Variants in CLEC2L observed in about 807,000 individuals in gnomAD.
The protein encoded by CLEC2L is C-type lectin domain family 2 member L.
In CLEC2L, 14 loss-of-function variants were observed where a neutral mutation model predicts 23.6. That is an observed-to-expected ratio of 0.59 (90% CI 0.39 to 0.93). The LOEUF is 0.93. CLEC2L is among the 40% of genes least tolerant of loss of function. The pLI, the probability that CLEC2L is intolerant of heterozygous loss-of-function variation, is 0.00. For synonymous variants in CLEC2L, 114 were observed against 121.3 expected, an observed-to-expected ratio of 0.94 and a Z score of 0.40; for missense variants, 264 against 282.4, an observed-to-expected ratio of 0.93 and a Z score of 0.47.
At chr7:139,527,293 G>A (rs1369642539) in intron 1 of CLEC2L, among the ~76,000 whole-genome samples, 3 of 152,156 alleles carry the variant, frequency 2.0e-5, no homozygotes, top group African/African-American at 2.4e-5. Flanking sequence ...GGCCAAGGAC[G>A]TCAGCCTTGG....
At chr7:139,536,140 AAAC>A (rs907935062) in intron 1 of CLEC2L, 131 bp from the exon 2 acceptor site, 226 of 682,048 alleles carry the variant, frequency 3.3e-4, no homozygotes, top group Admixed American at 4.4e-4. Context: ...CCCCATCTCA[AAAC>A]AACAACAACA....
Position 139,540,067 on chromosome 7 carries a change from A to C in CLEC2L, c.266-254A>C, listed in dbSNP as rs568977031. ...GTTCCATGCCTCTGGGAGTTTGGAGACAGAGGAGATCCTAACCCAGGGGCT... is the reference window on the plus strand; with the variant it reads ...GTTCCATGCCTCTGGGAGTTTGGAGCCAGAGGAGATCCTAACCCAGGGGCT... On this transcript the variant is annotated intron_variant, in intron 2 of 4. Coordinates refer to ENST00000422142, the MANE Select transcript of CLEC2L (RefSeq NM_001080511.4). This position sits in a 1 kb window ranked among gnomAD's most constrained non-coding sequence, Gnocchi z 5.8. The C allele has an allele frequency of 4.2e-6, 2 of 472,928 alleles. No individual in the cohort carries two copies. Among genetic ancestry groups the C allele is most frequent in the South Asian group, 2.5e-5 (1 of 39,804 alleles). 29.3% of individuals were successfully genotyped at this position (472,928 alleles called of 1,614,324 possible). A position where few individuals can be genotyped will look rare whatever the true frequency, so the allele number is the denominator to read the frequency against.
At chr7:139,534,151 GCAA>G in intron 1 of CLEC2L, 1 of 663,806 alleles carries the variant, frequency 1.5e-6, no homozygotes, top group Non-Finnish European at 2.7e-6. Context: ...GTAAAATTAT[GCAA>G]CCAATGATGG....
At chr7:139,524,156 C>A (rs1465750891) in intron 1 of CLEC2L, 39 bp downstream of exon 1, 43 of 1,195,466 alleles carry the variant, frequency 3.6e-5, no homozygotes, top group Non-Finnish European at 3.9e-5. Context: ...GCCCAGGGAC[C>A]CCTGCCCAGG....
At chr7:139,534,516 C>A in intron 1 of CLEC2L, 1 of 772,766 alleles carries the variant, frequency 1.3e-6, no homozygotes. Flanking sequence ...AGAAGATCTA[C>A]ATGCTTCTTC....
At chr7:139,536,692 C>A (rs28479209) in intron 2 of CLEC2L, among the ~76,000 whole-genome samples, 2 of 151,842 alleles carry the variant, frequency 1.3e-5, no homozygotes, top group Non-Finnish European at 2.9e-5. Flanking sequence ...GGATCATATT[C>A]GGCCGGGCGC....
In CLEC2L at chr7:139,539,446, G is replaced by A. The variant is rs1469987046; in HGVS notation, c.266-875G>A. 6.6e-6 allele frequency: 1 copy of A among 152,066 alleles called. No individual in the cohort carries two copies. The highest frequency in any genetic ancestry group is 1.5e-5 in the Non-Finnish European group (1 of 68,010). The allele number at this position is 152,066 out of a possible 1,614,324, so 9.4% of individuals were successfully genotyped here. On this transcript the variant is annotated intron_variant, in intron 2 of 4. Coordinates refer to ENST00000422142, the MANE Select transcript of CLEC2L (RefSeq NM_001080511.4). The surrounding 1 kb of genome is among the most constrained non-coding windows in gnomAD (Gnocchi z 4.1). ...GCAAGGAGGCCCTTTGAGAAGCTCCGGGCTTCCTTCCCAGAAAAGTCCATG... is the reference window on the plus strand; with the variant it reads ...GCAAGGAGGCCCTTTGAGAAGCTCCAGGCTTCCTTCCCAGAAAAGTCCATG...
intron 2 of CLEC2L, 87 bp downstream of exon 2, chr7:139,536,435 A>G: frequency 8.6e-7 from 1 of 1,165,098 alleles, no homozygotes; most frequent in Non-Finnish European, 1.2e-6. Flanking sequence ...AAGATTCTAG[A>G]CATTCCAAGA....
At chr7:139,537,437 T>TACC (rs1797675324) in intron 2 of CLEC2L, among the ~76,000 whole-genome samples, 1 of 152,238 alleles carries the variant, frequency 6.6e-6, no homozygotes, top group Non-Finnish European at 1.5e-5. Context: ...GGTTTGGGTT[T>TACC]CAAGGGCTGG....
intron 1 of CLEC2L, among the ~76,000 whole-genome samples, chr7:139,527,755 G>A (rs35411476): frequency 0.054 from 8,196 of 152,222 alleles, 300 homozygotes; most frequent in Non-Finnish European, 0.084. Flanking sequence ...AGTGCTCACC[G>A]ATTCTGAATT....
intron 1 of CLEC2L, among the ~76,000 whole-genome samples, chr7:139,525,063 T>G (rs1053927816): frequency 2.0e-5 from 3 of 152,160 alleles, no homozygotes; most frequent in African/African-American, 7.2e-5. Flanking sequence ...ACGTGGGAAC[T>G]GAGCCCTGGA....
At chr7:139,542,180 C>T (rs1797745690) in intron 4 of CLEC2L, 59 bp downstream of exon 4, 5 of 1,143,380 alleles carry the variant, frequency 4.4e-6, no homozygotes, top group Admixed American at 2.3e-5. Flanking sequence ...CCTGACTCAC[C>T]CCCTGGACAC....
rs1430587159 is a variant in CLEC2L, at chr7:139,538,770, AC to A, written c.266-1550del. On this transcript the variant is annotated intron_variant, in intron 2 of 4. Coordinates refer to ENST00000422142, the MANE Select transcript of CLEC2L (RefSeq NM_001080511.4). ...TCTCAAAAAAACAAAACAAAACAAA[AC>A]AAACAAACAAACAAACAAAAAAGGC... Among the ~76,000 whole-genome samples, 62 of 8,762 alleles carry A rather than the reference AC, an allele frequency of 7.1e-3. 1 individual carries two copies. The East Asian group carries it at 0.51, about 72-fold the overall frequency. 5.7% of individuals were successfully genotyped at this position (8,762 alleles called of 152,430 possible). A position where few individuals can be genotyped will look rare whatever the true frequency, so the allele number is the denominator to read the frequency against.
chr7:139,523,768 C>A lies in CLEC2L; in HGVS notation c.-160C>A. 1 of 320,692 alleles carries A rather than the reference C, an allele frequency of 3.1e-6. No homozygotes were observed. The highest frequency in any genetic ancestry group is 4.5e-6 in the Non-Finnish European group (1 of 223,704). 19.9% of individuals were successfully genotyped at this position (320,692 alleles called of 1,614,324 possible). A position where few individuals can be genotyped will look rare whatever the true frequency, so the allele number is the denominator to read the frequency against. The stretch of plus-strand genomic sequence containing the variant: ...GGCACCCGGCGCAGAGGCTCCAGCG[C>A]GGGGAGCCGGGCTCAGCCCCGGCCT... On this transcript the variant is annotated 5_prime_UTR_variant, in exon 1 of 5. Transcript: ENST00000422142. The surrounding 1 kb of genome is among the most constrained non-coding windows in gnomAD (Gnocchi z 4.1).
In CLEC2L at chr7:139,536,336, A is replaced by G; in HGVS notation, c.253A>G (p.Met85Val). 1.3e-6 allele frequency: 2 copies of G among 1,551,344 alleles called. No homozygotes were observed. The highest frequency in any genetic ancestry group is 1.2e-5 in the South Asian group (1 of 84,036). ...AVLLFAILVVMSILASKGCIK... is the reference protein window; with the variant it reads ...AVLLFAILVVVSILASKGCIK... ...CCTTCTGTTCGCCATCTTGGTGGTG[A>G]TGAGCATCTTGGGTGAGCATGCGTG... Residue 85 changes from methionine (M) to valine (V), a missense_variant, in exon 2 of 5, where the codon ATG becomes GTG. Physicochemically the swap from Met to Val is conservative, Grantham distance 21. Transcript: ENST00000422142.
chr7:139,534,597 C>T lies in CLEC2L; in HGVS notation c.191-1677C>T. The stretch of plus-strand genomic sequence containing the variant: ...AGGGGGGTTGGGGGTGGGCTTGGAA[C>T]ACAGGTGAGTACGGTGTGCTGTAGC... On this transcript the variant is annotated intron_variant, in intron 1 of 4. Transcript: ENST00000422142. The T allele has an allele frequency of 2.9e-5, 21 of 719,040 alleles. No homozygotes were observed. The South Asian group carries it at 3.0e-4, about 10-fold the overall frequency. 44.5% of individuals were successfully genotyped at this position (719,040 alleles called of 1,614,324 possible). A position where few individuals can be genotyped will look rare whatever the true frequency, so the allele number is the denominator to read the frequency against.
At chr7:139,530,861 T>C (rs981362454) in intron 1 of CLEC2L, among the ~76,000 whole-genome samples, 4 of 147,546 alleles carry the variant, frequency 2.7e-5, no homozygotes, top group African/African-American at 5.0e-5. Context: ...ATCACCACAC[T>C]GAGAGCAAGC....
intron 1 of CLEC2L, among the ~76,000 whole-genome samples, chr7:139,535,891 G>A (rs1474153704): frequency 6.6e-6 from 1 of 152,236 alleles, no homozygotes; most frequent in Non-Finnish European, 1.5e-5. Context: ...GATTTCATGA[G>A]CAGTGGGTAG....
rs904881115 is a variant in CLEC2L, at chr7:139,541,963, G to A, written c.433-58G>A. The A allele has an allele frequency of 3.1e-5, 36 of 1,161,686 alleles. No homozygotes were observed. In the African/African-American group the frequency reaches 4.3e-4, roughly 14 times the overall value. The allele number at this position is 1,161,686 out of a possible 1,614,324, so 72.0% of individuals were successfully genotyped here. ...TCCAAGCTGAGGTTTGTCTTGGGAT[G>A]TGACAGCAGTCAGGAGACCGCATCT... On this transcript the variant is annotated intron_variant, in intron 3 of 4. Transcript: ENST00000422142.
Sources: allele counts gnomAD v4.1 joint callset (sites outside exome capture counted in the v4.1 genomes callset), GRCh38; gene constraint gnomAD v4.1.1; non-coding constraint Gnocchi (gnomAD v3.1); transcripts MANE v1.5; gene names NCBI Gene and HGNC (gene_info 2026-07-23, HGNC 2026-07-21).